TRAPPC10: variants seen among roughly 807,000 people sequenced by gnomAD.
TRAPPC10 encodes the protein trafficking protein particle complex subunit 10, also known as TRAPP 130 kDa subunit.
A neutral mutation model predicts 125.5 loss-of-function variants in TRAPPC10; 23 were observed. The ratio of observed to expected loss-of-function variants is 0.18; its 90% CI spans 0.13 to 0.26. The LOEUF is 0.26. Ranked by LOEUF, TRAPPC10 falls within the 10% of genes least tolerant of loss-of-function variation. TRAPPC10 has a pLI of 1.00. For synonymous variants in TRAPPC10, 509 were observed against 518.0 expected (o/e 0.98, Z 0.24); for missense variants, 1,123 against 1,308.4 (o/e 0.86, Z 2.19).
chr21:44,030,285 C>T (rs66987917), intron 1 of TRAPPC10, among the ~76,000 whole-genome samples: 4,308 of 152,052 alleles, frequency 0.028, 91 homozygotes, highest in Admixed American at 0.042. Flanking sequence ...ATATAGAAAA[C>T]CAAGTGGAAG....
Position 44,047,565 on chromosome 21 carries a change from T to TGTGTGTGTGTGTGTGTGTGTGTGCGCGC in TRAPPC10, c.286-4714_286-4713insTGTGTGTGTGTGTGTGTGTGTGCGCGCG, listed in dbSNP as rs954810521. Among the ~76,000 whole-genome samples the TGTGTGTGTGTGTGTGTGTGTGTGCGCGC allele has an allele frequency of 2.3e-3, 344 of 147,156 alleles. 2 individuals carry two copies. The highest frequency in any genetic ancestry group is 8.1e-3 in the African/African-American group (314 of 38,674). ...GTGTGTGTGTGTGTGTGTGTGTGTG[T>TGTGTGTGTGTGTGTGTGTGTGTGCGCGC]GCGCGCACACGCTACATGAAGTTCC... On this transcript the variant is annotated intron_variant, in intron 3 of 22. Transcript: ENST00000291574.
rs1180417635 is a variant in TRAPPC10 at position 44,087,322 on chromosome 21, C to G, written c.2539+362C>G. Among the ~76,000 whole-genome samples, 3 of 152,138 alleles carry G rather than the reference C, an allele frequency of 2.0e-5. No homozygotes were observed. The highest frequency in any genetic ancestry group is 7.2e-5 in the African/African-American group (3 of 41,420). On this transcript the variant is annotated intron_variant, in intron 16 of 22. Coordinates refer to ENST00000291574, the MANE Select transcript of TRAPPC10 (RefSeq NM_003274.5). The surrounding 1 kb of genome is among the most constrained non-coding windows in gnomAD (Gnocchi z 4.6). ...GCCCTTGCAGGTGCTGTTGAGAGCC[C>G]TGAGCACTCCCATCCTCCCAGCCAC...
chr21:44,082,663 G>C lies in TRAPPC10; in HGVS notation c.1724-125G>C, dbSNP rs2037836462. The C allele has an allele frequency of 1.9e-6, 2 of 1,060,878 alleles. No homozygotes were observed. The allele number at this position is 1,060,878 out of a possible 1,614,324, so 65.7% of individuals were successfully genotyped here. A position where few individuals can be genotyped will look rare whatever the true frequency, so the allele number is the denominator to read the frequency against. Reference sequence around the variant, plus strand: ...AGATGGCAGGAGGCTGGGCTCAGCTGCTGTGCCCATCACTGCTGCTTGCTT... The same window carrying C: ...AGATGGCAGGAGGCTGGGCTCAGCTCCTGTGCCCATCACTGCTGCTTGCTT... On this transcript the variant is annotated intron_variant, in intron 13 of 22. Transcript: ENST00000291574. The surrounding 1 kb of genome is among the most constrained non-coding windows in gnomAD (Gnocchi z 4.4).
intron 8 of TRAPPC10, 142 bp downstream of exon 8, chr21:44,074,612 G>A: frequency 2.6e-5 from 29 of 1,127,732 alleles, no homozygotes; most frequent in Non-Finnish European, 3.6e-5. Flanking sequence ...AAGGTGTCTG[G>A]GTGCAGCCAA....
chr21:44,052,610 G>C lies in TRAPPC10; in HGVS notation c.482+134G>C, dbSNP rs1477778799. On this transcript the variant is annotated intron_variant, in intron 4 of 22. Transcript: ENST00000291574. ...CATGGGGTGCTGTCAAGGAGACCTG[G>C]TGCCTGTCCTTGTGGAGTTCCTGTT... The C allele has an allele frequency of 7.5e-6, 6 of 801,574 alleles. No individual in the cohort carries two copies. In the East Asian group the frequency reaches 1.6e-4, roughly 22 times the overall value. The allele number at this position is 801,574 out of a possible 1,614,324, so 49.7% of individuals were successfully genotyped here. A position where few individuals can be genotyped will look rare whatever the true frequency, so the allele number is the denominator to read the frequency against.
intron 9 of TRAPPC10, among the ~76,000 whole-genome samples, chr21:44,075,398 G>T (rs1417295882): frequency 6.6e-6 from 1 of 152,132 alleles, no homozygotes; most frequent in Non-Finnish European, 1.5e-5. Flanking sequence ...GTTTCTCCTG[G>T]GCTTAAGGGA....
Position 44,057,759 on chromosome 21 carries a change from T to C in TRAPPC10, c.679-1344T>C, listed in dbSNP as rs752190053. ...TCTCTTGCAAAACACAGCCCACCAC[T>C]GTTTTCACGGGAAACAGGATACAAA... On this transcript the variant is annotated intron_variant, in intron 5 of 22. Coordinates refer to ENST00000291574, the MANE Select transcript of TRAPPC10 (RefSeq NM_003274.5). Among the ~76,000 whole-genome samples the C allele has an allele frequency of 4.7e-4, 72 of 152,316 alleles. 1 individual carries two copies. The highest frequency in any genetic ancestry group is 6.2e-4 in the South Asian group (3 of 4,832).
At chr21:44,048,324 C>T (rs2034996017) in intron 3 of TRAPPC10, among the ~76,000 whole-genome samples, 1 of 152,146 alleles carries the variant, frequency 6.6e-6, no homozygotes. Context: ...CTCTGTCACC[C>T]CCTGCCCTCC....
chr21:44,065,912 GCT>G (rs2036418391), intron 7 of TRAPPC10, among the ~76,000 whole-genome samples: 1 of 152,160 alleles, frequency 6.6e-6, no homozygotes, highest in African/African-American at 2.4e-5. Context: ...TGTCGCCCAG[GCT>G]GGTCTGGAAC....
chr21:44,043,141 A>G (rs1229718147), intron 3 of TRAPPC10, among the ~76,000 whole-genome samples: 1 of 150,050 alleles, frequency 6.7e-6, no homozygotes, highest in Non-Finnish European at 1.5e-5. Context: ...TATGCACAAT[A>G]TTCTAGACAC....
rs761465240 is a variant in TRAPPC10, at chr21:44,071,474, C to T, written c.1039-2850C>T. On this transcript the variant is annotated intron_variant, in intron 7 of 22. Transcript: ENST00000291574. ...TCTTAGATGTCTTACTGTGGAAGGT[C>T]TCGCTGCTGTGGAGCCCACCTCTTT... 3.9e-5 allele frequency among the ~76,000 whole-genome samples: 6 copies of T among 152,286 alleles called. No individual in the cohort carries two copies. In the South Asian group the frequency reaches 1.0e-3, roughly 26 times the overall value.
chr21:44,079,523 C>T, intron 11 of TRAPPC10, 41 bp from the exon 12 acceptor site: 1 of 1,573,544 alleles, frequency 6.4e-7, no homozygotes. Context: ...TGTTGATTAT[C>T]CCTAGCTGTA....
At chr21:44,071,347 T>C (rs1231573010) in intron 7 of TRAPPC10, among the ~76,000 whole-genome samples, 1 of 152,250 alleles carries the variant, frequency 6.6e-6, no homozygotes, top group Admixed American at 6.5e-5. Context: ...GCCCTTCACA[T>C]ACCTTGTTGT....
intron 7 of TRAPPC10, among the ~76,000 whole-genome samples, chr21:44,065,359 T>A (rs1230702626): frequency 6.6e-6 from 1 of 152,230 alleles, no homozygotes; most frequent in Non-Finnish European, 1.5e-5. Flanking sequence ...TTCAAGGCTT[T>A]GTATCGTGTG....
chr21:44,074,267 T>C, intron 7 of TRAPPC10, 57 bp from the exon 8 acceptor site: 1 of 1,607,142 alleles, frequency 6.2e-7, no homozygotes, highest in Non-Finnish European at 8.5e-7. Flanking sequence ...TGTGGGTTTG[T>C]TCAAGCTAGA....
chr21:44,074,631 T>C (rs1276452171), intron 8 of TRAPPC10, among the ~76,000 whole-genome samples, 161 bp downstream of exon 8: 1 of 152,216 alleles, frequency 6.6e-6, no homozygotes, highest in African/African-American at 2.4e-5. Context: ...AAAGAAGTCA[T>C]AGTTCCCTAC....
intron 7 of TRAPPC10, 42 bp from the exon 8 acceptor site, chr21:44,074,282 T>G (rs2037108919): frequency 6.2e-7 from 1 of 1,611,916 alleles, no homozygotes; most frequent in Non-Finnish European, 8.5e-7. Flanking sequence ...GCTAGAGCTG[T>G]CCCGGAGCAC....
chr21:44,095,229 T>TTTTA (rs200168527), intron 20 of TRAPPC10, among the ~76,000 whole-genome samples: 6,551 of 149,974 alleles, frequency 0.044, 168 homozygotes, highest in African/African-American at 0.053. Flanking sequence ...TTTTATTTTA[T>TTTTA]TTTATTTATT....
chr21:44,036,595 A>C (rs1388466749), intron 2 of TRAPPC10, among the ~76,000 whole-genome samples: 1 of 152,160 alleles, frequency 6.6e-6, no homozygotes, highest in African/African-American at 2.4e-5. Flanking sequence ...GGTGCACTGA[A>C]GTGAATACAA....
Sources: gnomAD v4.1 joint callset for allele counts (sites outside exome capture counted in the v4.1 genomes callset) on GRCh38, gnomAD v4.1.1 for gene constraint, Gnocchi (gnomAD v3.1) non-coding constraint, MANE v1.5 for transcripts, NCBI Gene and HGNC (gene_info 2026-07-23, HGNC 2026-07-21) for gene names.